Variants in CTNND2 observed in about 807,000 individuals in gnomAD.
CTNND2 encodes the protein catenin delta-2.
A neutral mutation model predicts 144.4 loss-of-function variants in CTNND2; 22 were observed. The observed-to-expected ratio is 0.15, with a 90% confidence interval of 0.11 to 0.22. The LOEUF (loss-of-function observed/expected upper bound fraction) is 0.22, where lower values mean the gene tolerates loss of function less well. CTNND2 is among the 10% of genes least tolerant of loss of function. The pLI is 1.00. For synonymous variants in CTNND2, 751 were observed against 695.6 expected, an observed-to-expected ratio of 1.08 and a Z score of -1.25; for missense variants, 1,353 against 1,618.8, an observed-to-expected ratio of 0.84 and a Z score of 2.82.
At chr5:11,869,420 C>T (rs977831717) in intron 1 of CTNND2, among the ~76,000 whole-genome samples, 2 of 152,118 alleles carry the variant, frequency 1.3e-5, no homozygotes, top group Non-Finnish European at 2.9e-5. Context: ...CTGACACATG[C>T]CACAACATGG....
At chr5:11,141,950 T>C (rs1014694779) in intron 12 of CTNND2, among the ~76,000 whole-genome samples, 5 of 152,168 alleles carry the variant, frequency 3.3e-5, no homozygotes, top group African/African-American at 7.2e-5. Flanking sequence ...GGGTTCCTTA[T>C]TGCAAGAGTG....
intron 2 of CTNND2, among the ~76,000 whole-genome samples, chr5:11,622,805 G>C (rs1014552604): frequency 6.6e-6 from 1 of 152,126 alleles, no homozygotes; most frequent in Non-Finnish European, 1.5e-5. Flanking sequence ...AAGGGAGAAA[G>C]AGCCCTAAAA....
intron 9 of CTNND2, among the ~76,000 whole-genome samples, chr5:11,300,535 C>T (rs1022727546): frequency 8.5e-5 from 13 of 152,102 alleles, no homozygotes; most frequent in African/African-American, 1.9e-4. Flanking sequence ...ACTACAGATC[C>T]GAAGTCCTTC....
At chr5:11,816,409 G>T (rs1216483292) in intron 1 of CTNND2, among the ~76,000 whole-genome samples, 1 of 151,620 alleles carries the variant, frequency 6.6e-6, no homozygotes, top group Non-Finnish European at 1.5e-5. Context: ...TTTGAGAGAG[G>T]GAGTCCCAAG....
At chr5:11,033,083 T>C (rs1743657549) in intron 16 of CTNND2, among the ~76,000 whole-genome samples, 1 of 152,234 alleles carries the variant, frequency 6.6e-6, no homozygotes, top group Non-Finnish European at 1.5e-5. Context: ...CTTACTATCT[T>C]TGCAATTTCC....
intron 8 of CTNND2, among the ~76,000 whole-genome samples, chr5:11,349,916 T>G (rs1298423903): frequency 1.3e-5 from 2 of 152,204 alleles, no homozygotes; most frequent in Non-Finnish European, 2.9e-5. Context: ...GGTAGGCAGA[T>G]CATGAGGTCA....
intron 2 of CTNND2, among the ~76,000 whole-genome samples, chr5:11,679,229 G>C (rs1275649421): frequency 6.6e-6 from 1 of 151,942 alleles, no homozygotes; most frequent in African/African-American, 2.4e-5. Flanking sequence ...AGAATGACTA[G>C]TTACCTAAAG....
chr5:11,319,459 A>C (rs1257622439), intron 9 of CTNND2, among the ~76,000 whole-genome samples: 3 of 152,200 alleles, frequency 2.0e-5, no homozygotes, highest in Non-Finnish European at 4.4e-5. Context: ...AGTCATTTGC[A>C]AAGTTTTTGT....
chr5:11,194,512 G>C (rs1344196225), intron 11 of CTNND2, among the ~76,000 whole-genome samples: 2 of 152,112 alleles, frequency 1.3e-5, no homozygotes, highest in African/African-American at 4.8e-5. Context: ...ACACTTAAAA[G>C]ACTCCCCACT....
chr5:11,057,563 T>A (rs994647820), intron 16 of CTNND2, among the ~76,000 whole-genome samples: 4 of 152,200 alleles, frequency 2.6e-5, no homozygotes, highest in African/African-American at 9.6e-5. Context: ...TAAACCTCTT[T>A]CTTTTGTAAA....
At chr5:11,277,945 T>A (rs960633784) in intron 9 of CTNND2, among the ~76,000 whole-genome samples, 7 of 152,140 alleles carry the variant, frequency 4.6e-5, no homozygotes, top group African/African-American at 1.7e-4. Context: ...AGCCAGCATA[T>A]CTACAACATT....
chr5:11,826,334 G>A (rs1793596193), intron 1 of CTNND2, among the ~76,000 whole-genome samples: 1 of 151,782 alleles, frequency 6.6e-6, no homozygotes, highest in Non-Finnish European at 1.5e-5. Context: ...TAACTACTAG[G>A]TAAAAATAAA....
At chr5:11,048,777 A>T (rs900356238) in intron 16 of CTNND2, among the ~76,000 whole-genome samples, 1 of 152,206 alleles carries the variant, frequency 6.6e-6, no homozygotes, top group South Asian at 2.1e-4. Flanking sequence ...AAAAGATTGG[A>T]AGGAATAGTT....
At chr5:11,892,114 C>T (rs899089948) in intron 1 of CTNND2, among the ~76,000 whole-genome samples, 4 of 152,224 alleles carry the variant, frequency 2.6e-5, no homozygotes, top group African/African-American at 9.6e-5. Flanking sequence ...CAAAACCTGA[C>T]ACCTTACATT....
chr5:11,349,797 G>A lies in CTNND2; in HGVS notation c.1373-3170C>T, dbSNP rs72730999. On this transcript the variant is annotated intron_variant, in intron 8 of 21. Transcript: ENST00000304623. ...AACAGATAAAAGATGGGTTCACTAA[G>A]GAATTAACAACCTGAACATTATGTT... Among the ~76,000 whole-genome samples, 399 of 152,212 alleles carry A rather than the reference G, an allele frequency of 2.6e-3. 3 individuals carry two copies. Among genetic ancestry groups the A allele is most frequent in the Non-Finnish European group, 4.7e-3 (320 of 68,010 alleles).
At chr5:11,487,294 TACAC>T in intron 3 of CTNND2, among the ~76,000 whole-genome samples, 1 of 152,216 alleles carries the variant, frequency 6.6e-6, no homozygotes, top group Non-Finnish European at 1.5e-5. Context: ...TAATAATACA[TACAC>T]ACAGCGACAC....
At chr5:11,554,712 CAG>C (rs1446075133) in intron 3 of CTNND2, among the ~76,000 whole-genome samples, 1 of 151,960 alleles carries the variant, frequency 6.6e-6, no homozygotes, top group Middle Eastern at 3.2e-3. Context: ...TTCTTAAGAT[CAG>C]AGTGAAAGTA....
intron 1 of CTNND2, among the ~76,000 whole-genome samples, chr5:11,808,995 G>A (rs1581919369): frequency 6.6e-6 from 1 of 152,276 alleles, no homozygotes; most frequent in Admixed American, 6.5e-5. Flanking sequence ...GCTGCATGGA[G>A]ATACTTCAAT....
At chr5:11,631,876 CAA>C (rs1489409675) in intron 2 of CTNND2, among the ~76,000 whole-genome samples, 1 of 152,100 alleles carries the variant, frequency 6.6e-6, no homozygotes, top group Admixed American at 6.6e-5. Flanking sequence ...AGTGCCAATC[CAA>C]AAGACATGGG....
Sources: allele counts gnomAD v4.1 joint callset (sites outside exome capture counted in the v4.1 genomes callset), GRCh38; gene constraint gnomAD v4.1.1; transcripts MANE v1.5; gene names NCBI Gene and HGNC (gene_info 2026-07-23, HGNC 2026-07-21).